Variants in RANBP2 observed in about 807,000 individuals in gnomAD.
The protein encoded by RANBP2 is RAN binding protein 2, also known as E3 SUMO-protein ligase RanBP2.
In RANBP2, 57 loss-of-function variants were observed where a neutral mutation model predicts 303.6. The observed-to-expected ratio is 0.19, with a 90% confidence interval of 0.15 to 0.23. The LOEUF (loss-of-function observed/expected upper bound fraction) is 0.23, where lower values mean the gene tolerates loss of function less well. Ranked by LOEUF, RANBP2 falls within the 10% of genes least tolerant of loss-of-function variation. The probability of loss-of-function intolerance (pLI) is 1.00; values close to 1 mark genes in which losing one functional copy is unlikely to be tolerated. For missense variants in RANBP2, 3,138 were observed against 3,780.8 expected (o/e 0.83, Z 4.46); for synonymous variants, 1,167 against 1,301.5 (o/e 0.90, Z 2.23).
the RANBP2 span, among the ~76,000 whole-genome samples, chr2:109,482,901 ATT>A: frequency 6.6e-6 from 1 of 152,090 alleles, no homozygotes; most frequent in Non-Finnish European, 1.5e-5. Context: ...TCATGAACCA[ATT>A]TTCTTTATCT....
the RANBP2 span, among the ~76,000 whole-genome samples, chr2:108,949,882 C>A: frequency 6.6e-6 from 1 of 152,182 alleles, no homozygotes; most frequent in Admixed American, 6.5e-5. Context: ...AGTAATATGT[C>A]CCTTCCAAAT....
the RANBP2 span, among the ~76,000 whole-genome samples, chr2:108,965,398 A>G: frequency 4.0e-5 from 6 of 151,178 alleles, no homozygotes; most frequent in Middle Eastern, 6.8e-3. Flanking sequence ...GGAGAATGGC[A>G]TGAACCCGGG....
At chr2:109,182,547 A>G in the RANBP2 span, among the ~76,000 whole-genome samples, 14 of 152,370 alleles carry the variant, frequency 9.2e-5, no homozygotes, top group African/African-American at 3.4e-4. Flanking sequence ...TGCTTGGGAC[A>G]TAGAAAGCAC....
the RANBP2 span, among the ~76,000 whole-genome samples, chr2:109,712,421 A>G: frequency 3.3e-5 from 5 of 152,004 alleles, no homozygotes; most frequent in African/African-American, 1.2e-4. Context: ...TTCCACTATA[A>G]AAAATTATTT....
At chr2:109,487,256 C>T in the RANBP2 span, among the ~76,000 whole-genome samples, 2 of 152,160 alleles carry the variant, frequency 1.3e-5, no homozygotes, top group South Asian at 2.1e-4. Flanking sequence ...ACGGTGTTGT[C>T]CCCCAAATCA....
At chr2:109,451,607 AC>A in the RANBP2 span, among the ~76,000 whole-genome samples, 2 of 152,268 alleles carry the variant, frequency 1.3e-5, no homozygotes, top group Non-Finnish European at 2.9e-5. Context: ...GCTAATGAAC[AC>A]CAGCTGAGTC....
At chr2:109,064,546 G>A in the RANBP2 span, among the ~76,000 whole-genome samples, 1 of 151,262 alleles carries the variant, frequency 6.6e-6, no homozygotes, top group Non-Finnish European at 1.5e-5. Context: ...ACCTTTAGAT[G>A]TGACCTGAAC....
the RANBP2 span, among the ~76,000 whole-genome samples, chr2:109,590,200 T>C: frequency 6.6e-6 from 1 of 151,188 alleles, no homozygotes; most frequent in Non-Finnish European, 1.5e-5. Flanking sequence ...GACTTACAGG[T>C]TGGGGTGAGA....
At chr2:109,517,472 A>G in the RANBP2 span, among the ~76,000 whole-genome samples, 6 of 152,284 alleles carry the variant, frequency 3.9e-5, no homozygotes, top group African/African-American at 1.4e-4. Flanking sequence ...ACAGAGTCCA[A>G]ACACCGCAGG....
chr2:109,658,956 T>C, the RANBP2 span, among the ~76,000 whole-genome samples: 46 of 152,152 alleles, frequency 3.0e-4, no homozygotes, highest in Admixed American at 2.9e-3. Flanking sequence ...TCCCAGCTGC[T>C]TGGGAGTCTG....
the RANBP2 span, among the ~76,000 whole-genome samples, chr2:108,986,747 C>T: frequency 1.3e-5 from 2 of 152,182 alleles, no homozygotes; most frequent in Non-Finnish European, 2.9e-5. Flanking sequence ...TGTTTCCTTG[C>T]TTTATTTTTT....
chr2:109,286,723 C>A, the RANBP2 span, among the ~76,000 whole-genome samples: 2 of 152,184 alleles, frequency 1.3e-5, no homozygotes, highest in African/African-American at 4.8e-5. Flanking sequence ...CCAGGATTCC[C>A]AGTACCTTTG....
chr2:109,583,010 C>T, the RANBP2 span, among the ~76,000 whole-genome samples: 29 of 152,214 alleles, frequency 1.9e-4, no homozygotes, highest in African/African-American at 6.5e-4. Flanking sequence ...TATGTTTTAC[C>T]ATAAACAAAA....
chr2:109,597,435 C>T, the RANBP2 span, among the ~76,000 whole-genome samples: 3 of 152,178 alleles, frequency 2.0e-5, no homozygotes, highest in East Asian at 1.9e-4. Context: ...AGCTAGGCTC[C>T]GCAGTCTCAA....
the RANBP2 span, among the ~76,000 whole-genome samples, chr2:109,532,605 G>T: frequency 1.3e-5 from 2 of 152,082 alleles, no homozygotes; most frequent in Non-Finnish European, 2.9e-5. Context: ...AACTCAATGT[G>T]TCTATAATCT....
the RANBP2 span, among the ~76,000 whole-genome samples, chr2:108,870,135 A>G: frequency 1.3e-5 from 2 of 152,244 alleles, no homozygotes; most frequent in African/African-American, 4.8e-5. Flanking sequence ...GGGAAATGAT[A>G]CATGAACAAA....
At chr2:108,773,728 C>G (rs1677679701) in intron 23 of RANBP2, among the ~76,000 whole-genome samples, 1 of 151,806 alleles carries the variant, frequency 6.6e-6, no homozygotes, top group East Asian at 1.9e-4. Flanking sequence ...CTCGCTGCAA[C>G]CTCTGCCTCC....
the RANBP2 span, chr2:109,585,713 GCA>G: frequency 6.4e-7 from 1 of 1,574,156 alleles, no homozygotes; most frequent in Non-Finnish European, 8.7e-7. Context: ...AGAGTAGGTG[GCA>G]CGTACCCACA....
chr2:108,863,753 C>G, the RANBP2 span, among the ~76,000 whole-genome samples: 2 of 152,196 alleles, frequency 1.3e-5, no homozygotes, highest in Non-Finnish European at 1.5e-5. Context: ...CATTGGCATT[C>G]TTTCCCAGCA....
Sources: allele counts gnomAD v4.1 joint callset (sites outside exome capture counted in the v4.1 genomes callset), GRCh38; gene constraint gnomAD v4.1.1; transcripts MANE v1.5; gene names NCBI Gene and HGNC (gene_info 2026-07-23, HGNC 2026-07-21).